SLC16A9: variants seen among roughly 807,000 people sequenced by gnomAD.
SLC16A9 encodes solute carrier family 16 member 9.
Under a neutral mutation model 44.3 loss-of-function variants are expected in SLC16A9, and 26 were observed. The ratio of observed to expected loss-of-function variants is 0.59; its 90% confidence interval spans 0.43 to 0.81. SLC16A9 has a LOEUF of 0.81. Ranked by LOEUF, SLC16A9 falls within the 40% of genes least tolerant of loss-of-function variation. SLC16A9 has a pLI of 0.00. For missense variants in SLC16A9, 559 were observed against 595.8 expected, an observed-to-expected ratio of 0.94 and a Z score of 0.64; for synonymous variants, 230 against 225.1, an observed-to-expected ratio of 1.02 and a Z score of -0.19.
chr10:59,653,213 A>G (rs1238078401), intron 5 of SLC16A9, among the ~76,000 whole-genome samples: 1 of 151,400 alleles, frequency 6.6e-6, no homozygotes, highest in African/African-American at 2.4e-5. Flanking sequence ...AGGTCAGGAG[A>G]TGGAGACCAT....
At chr10:59,670,200 A>G (rs1206243662) in intron 3 of SLC16A9, among the ~76,000 whole-genome samples, 1 of 152,250 alleles carries the variant, frequency 6.6e-6, no homozygotes, top group Admixed American at 6.5e-5. Context: ...ACAAATATGT[A>G]TTAAACATCT....
intron 4 of SLC16A9, among the ~76,000 whole-genome samples, chr10:59,662,633 C>CAAAAAAAAAA (rs71006278): frequency 1.6e-3 from 70 of 43,574 alleles, no homozygotes; most frequent in Non-Finnish European, 2.2e-3. Context: ...AACTCCATCT[C>CAAAAAAAAAA]AAAAAAAAAA....
intron 3 of SLC16A9, 107 bp downstream of exon 3, chr10:59,672,663 A>G (rs1216695720): frequency 3.6e-6 from 4 of 1,113,096 alleles, no homozygotes; most frequent in East Asian, 5.4e-5. Context: ...GTAAATTATT[A>G]GTGAGCATTT....
intron 3 of SLC16A9, among the ~76,000 whole-genome samples, chr10:59,670,009 T>C (rs1165204517): frequency 6.6e-6 from 1 of 152,208 alleles, no homozygotes; most frequent in Non-Finnish European, 1.5e-5. Flanking sequence ...TAAAACAGAA[T>C]TATATCATTT....
At chr10:59,696,449 C>T (rs1012640599) in intron 1 of SLC16A9, among the ~76,000 whole-genome samples, 78 of 152,312 alleles carry the variant, frequency 5.1e-4, no homozygotes, top group African/African-American at 1.8e-3. Context: ...GATCTCTGCT[C>T]GCTACAACCT....
intron 1 of SLC16A9, among the ~76,000 whole-genome samples, chr10:59,701,731 C>T (rs548744321): frequency 6.6e-6 from 1 of 152,278 alleles, no homozygotes; most frequent in South Asian, 2.1e-4. Flanking sequence ...CCCCCCAACC[C>T]ACAGCTCACG....
At chr10:59,672,499 A>G (rs1839771923) in intron 3 of SLC16A9, among the ~76,000 whole-genome samples, 1 of 152,120 alleles carries the variant, frequency 6.6e-6, no homozygotes, top group South Asian at 2.1e-4. Context: ...CACTTTTCCC[A>G]TATGTGCTAT....
In SLC16A9 at chr10:59,666,329, A is replaced by T. The variant is rs142864022; in HGVS notation, c.341-2007T>A. On this transcript the variant is annotated intron_variant, in intron 3 of 5. Transcript: ENST00000395348. Reference sequence around the variant, plus strand: ...AAAAAAAAAAAGAAAAGAAAGCAAAAGGTGGCATGATTCCTCTCTTCATCT... The same window carrying T: ...AAAAAAAAAAAGAAAAGAAAGCAAATGGTGGCATGATTCCTCTCTTCATCT... Among the ~76,000 whole-genome samples the T allele has an allele frequency of 5.6e-3, 859 of 152,120 alleles. 11 individuals carry two copies. Among genetic ancestry groups the T allele is most frequent in the African/African-American group, 0.02 (813 of 41,512 alleles).
chr10:59,683,959 A>C, intron 2 of SLC16A9, 137 bp downstream of exon 2: 2 of 596,330 alleles, frequency 3.4e-6, no homozygotes, highest in Non-Finnish European at 5.4e-6. Context: ...GTGAAAGTAC[A>C]ATCATTGCAA....
intron 4 of SLC16A9, among the ~76,000 whole-genome samples, chr10:59,663,604 G>A (rs1231167606): frequency 1.3e-5 from 2 of 150,640 alleles, no homozygotes; most frequent in African/African-American, 2.4e-5. Flanking sequence ...ACCAGGGCCT[G>A]TTGGGGGGTG....
At chr10:59,672,432 C>T (rs1839770631) in intron 3 of SLC16A9, among the ~76,000 whole-genome samples, 1 of 152,140 alleles carries the variant, frequency 6.6e-6, no homozygotes, top group Admixed American at 6.5e-5. Flanking sequence ...AGGGCCACTT[C>T]ATAATTTAGT....
chr10:59,662,552 T>G (rs1363616886), intron 4 of SLC16A9, among the ~76,000 whole-genome samples: 1 of 133,770 alleles, frequency 7.5e-6, no homozygotes, highest in Non-Finnish European at 1.5e-5. Flanking sequence ...GGAGATCACT[T>G]GAAACTGGAA....
At chr10:59,701,542 T>A (rs1468679884) in intron 1 of SLC16A9, among the ~76,000 whole-genome samples, 3 of 152,204 alleles carry the variant, frequency 2.0e-5, no homozygotes, top group Non-Finnish European at 4.4e-5. Context: ...AAGCTTACAG[T>A]TGTCCATCAC....
rs150362656 is a variant in SLC16A9, at chr10:59,667,903, T to C, written c.341-3581A>G. ...ATATATTTACATGTTGTAACATTTC[T>C]TTTCCACACTTTACCTTCCATTTCA... is the stretch of plus-strand genomic sequence containing the variant. On this transcript the variant is annotated intron_variant, in intron 3 of 5. Transcript: ENST00000395348. Among the ~76,000 whole-genome samples the C allele has an allele frequency of 3.2e-3, 493 of 152,312 alleles. 2 individuals carry two copies. The highest frequency in any genetic ancestry group is 0.011 in the African/African-American group (471 of 41,558).
At chr10:59,697,746 A>AAAAT (rs145116462) in intron 1 of SLC16A9, among the ~76,000 whole-genome samples, 3,812 of 150,400 alleles carry the variant, frequency 0.025, 153 homozygotes, top group African/African-American at 0.086. Flanking sequence ...AATAAAATAA[A>AAAAT]AAATAAATAA....
chr10:59,678,737 T>G (rs1171601), intron 2 of SLC16A9, among the ~76,000 whole-genome samples: 136,329 of 141,280 alleles, frequency 0.96, 66,005 homozygotes, highest in East Asian at 1. Context: ...TAGAGACGGG[T>G]TTTCACCTTG....
intron 1 of SLC16A9, among the ~76,000 whole-genome samples, chr10:59,707,738 G>T (rs1374789077): frequency 6.6e-6 from 1 of 152,108 alleles, no homozygotes; most frequent in Non-Finnish European, 1.5e-5. Flanking sequence ...TTAATTAGGG[G>T]TTTGAAAGAT....
At chr10:59,709,300 G>A (rs1840712751) in intron 1 of SLC16A9, among the ~76,000 whole-genome samples, 179 bp downstream of exon 1, 1 of 152,146 alleles carries the variant, frequency 6.6e-6, no homozygotes. Context: ...GGCGAGGGGC[G>A]GGCGCACCGT....
intron 3 of SLC16A9, among the ~76,000 whole-genome samples, chr10:59,665,357 G>T (rs1482556499): frequency 6.6e-6 from 1 of 152,156 alleles, no homozygotes. Flanking sequence ...ACTTAAAATA[G>T]CTACCTGGAC....
Sources: allele counts gnomAD v4.1 joint callset (sites outside exome capture counted in the v4.1 genomes callset), GRCh38; gene constraint gnomAD v4.1.1; transcripts MANE v1.5; gene names NCBI Gene and HGNC (gene_info 2026-07-23, HGNC 2026-07-21).